ITFG1: variants seen among roughly 807,000 people sequenced by gnomAD.
The protein encoded by ITFG1 is T-cell immunomodulatory protein.
A neutral mutation model predicts 81.8 loss-of-function variants in ITFG1; 34 were observed. The observed-to-expected ratio is 0.42, with a 90% CI of 0.32 to 0.55. The LOEUF (loss-of-function observed/expected upper bound fraction) is 0.55, where lower values mean the gene tolerates loss of function less well. ITFG1 is among the 20% of genes least tolerant of loss of function. The pLI is 0.17. For synonymous variants in ITFG1, 285 were observed against 270.6 expected (o/e 1.05, Z -0.52); for missense variants, 672 against 755.4 (o/e 0.89, Z 1.29).
intron 8 of ITFG1, among the ~76,000 whole-genome samples, chr16:47,338,812 A>G (rs1279304985): frequency 6.6e-6 from 1 of 152,176 alleles, no homozygotes; most frequent in South Asian, 2.1e-4. Flanking sequence ...TCCTTTGTGC[A>G]CAAACAATCC....
intron 6 of ITFG1, among the ~76,000 whole-genome samples, chr16:47,405,494 A>G (rs1968717286): frequency 6.6e-6 from 1 of 152,238 alleles, no homozygotes; most frequent in African/African-American, 2.4e-5. Flanking sequence ...TTTAAGAGCC[A>G]ATGAAAACGT....
Position 47,331,216 on chromosome 16 carries a change from C to A in ITFG1, c.803-17393G>T, listed in dbSNP as rs148414484. On this transcript the variant is annotated intron_variant, in intron 8 of 17. Transcript: ENST00000320640. ...TATCCTAAGTGAATTAACACAGAAA[C>A]AGAAAGCCAAATACTGCATGTTCTC... Among the ~76,000 whole-genome samples the A allele has an allele frequency of 1.5e-3, 232 of 152,184 alleles. 2 individuals carry two copies. The highest frequency in any genetic ancestry group is 5.4e-3 in the African/African-American group (223 of 41,526).
intron 7 of ITFG1, 115 bp from the exon 8 acceptor site, chr16:47,365,984 T>C: frequency 3.4e-6 from 2 of 586,194 alleles, no homozygotes; most frequent in Non-Finnish European, 6.2e-6. Context: ...TTTTGTTGTA[T>C]TGCACAAAAA....
chr16:47,315,883 T>C (rs958031542), intron 8 of ITFG1, among the ~76,000 whole-genome samples: 2 of 151,956 alleles, frequency 1.3e-5, no homozygotes, highest in Admixed American at 1.3e-4. Flanking sequence ...CTCCCACTCC[T>C]GGGTTCAAGC....
chr16:47,279,930 T>C (rs1966435194), intron 10 of ITFG1, among the ~76,000 whole-genome samples: 1 of 152,174 alleles, frequency 6.6e-6, no homozygotes, highest in African/African-American at 2.4e-5. Context: ...TGCTAATATA[T>C]AGAAATAAGA....
chr16:47,430,183 A>G (rs1209550944), intron 5 of ITFG1, among the ~76,000 whole-genome samples: 1 of 148,374 alleles, frequency 6.7e-6, no homozygotes, highest in Non-Finnish European at 1.5e-5. Context: ...TTAGCCACCC[A>G]AGTAGCTAGG....
chr16:47,393,323 A>G (rs1213363024), intron 6 of ITFG1, among the ~76,000 whole-genome samples: 1 of 152,190 alleles, frequency 6.6e-6, no homozygotes, highest in East Asian at 1.9e-4. Context: ...TTAGATAACT[A>G]GCAGTGCGAT....
At chr16:47,271,445 T>TA (rs1966338936) in intron 10 of ITFG1, among the ~76,000 whole-genome samples, 1 of 152,040 alleles carries the variant, frequency 6.6e-6, no homozygotes, top group Non-Finnish European at 1.5e-5. Flanking sequence ...ATGGCTAAAA[T>TA]AAAAAAGACA....
chr16:47,179,136 A>G (rs1421190200), intron 14 of ITFG1, among the ~76,000 whole-genome samples: 1 of 152,232 alleles, frequency 6.6e-6, no homozygotes, highest in Non-Finnish European at 1.5e-5. Flanking sequence ...GTGGGACTGT[A>G]AACTAGTTCA....
intron 5 of ITFG1, among the ~76,000 whole-genome samples, chr16:47,447,320 T>C (rs1336754622): frequency 6.6e-6 from 1 of 152,210 alleles, no homozygotes; most frequent in Non-Finnish European, 1.5e-5. Flanking sequence ...CACTATACTT[T>C]TCTCAAAAGA....
chr16:47,340,914 A>C (rs1967772933), intron 8 of ITFG1, among the ~76,000 whole-genome samples: 1 of 152,222 alleles, frequency 6.6e-6, no homozygotes, highest in Admixed American at 6.5e-5. Flanking sequence ...AATGACTAAA[A>C]GGACAATTCA....
At chr16:47,350,428 A>G (rs1967933894) in intron 8 of ITFG1, among the ~76,000 whole-genome samples, 1 of 152,234 alleles carries the variant, frequency 6.6e-6, no homozygotes, top group Non-Finnish European at 1.5e-5. Flanking sequence ...AGAGAATACT[A>G]TAAACACCTC....
chr16:47,461,147 C>G (rs375993399), upstream of ITFG1: 7 of 1,180,078 alleles, frequency 5.9e-6, no homozygotes, highest in African/African-American at 1.1e-4. Context: ...CCCCGGGACG[C>G]GTAAGAGCCG....
At chr16:47,348,897 G>A (rs1272976039) in intron 8 of ITFG1, among the ~76,000 whole-genome samples, 1 of 152,196 alleles carries the variant, frequency 6.6e-6, no homozygotes, top group Non-Finnish European at 1.5e-5. Context: ...GAGAGTGGGG[G>A]CCAATATTCA....
chr16:47,221,464 T>G lies in ITFG1; in HGVS notation c.1375-2518A>C, dbSNP rs1238819563. On this transcript the variant is annotated intron_variant, in intron 13 of 17. Coordinates refer to ENST00000320640, the MANE Select transcript of ITFG1 (RefSeq NM_030790.5). ...TGATCATGGTGGATAAGCTTTTTGA[T>G]GTGCTGCTGGATTCGGTTTGCCAGT... Among the ~76,000 whole-genome samples, 8 of 152,210 alleles carry G rather than the reference T, an allele frequency of 5.3e-5. No individual in the cohort carries two copies. The East Asian group carries it at 1.3e-3, about 26-fold the overall frequency.
At chr16:47,281,896 T>G (rs1027552753) in intron 10 of ITFG1, among the ~76,000 whole-genome samples, 1 of 152,084 alleles carries the variant, frequency 6.6e-6, no homozygotes, top group Non-Finnish European at 1.5e-5. Context: ...GGGCTACAAG[T>G]GCAGTTTTGT....
Position 47,313,765 on chromosome 16 carries a change from C to T in ITFG1, c.861G>A (p.Lys287=), listed in dbSNP as rs778117683. Residue 287 remains lysine (K), a synonymous_variant, in exon 9 of 18, where the codon AAG becomes AAA. Transcript: ENST00000320640. ...LPGCEDKNCQ[K]STIYLVRSGM... is the part of the protein sequence containing the mutation. ...CAGATCTCACTAAGTAGATGGTACT[C>T]TTTTGGCAATTTTTATCTTCACAGC... 6.2e-7 allele frequency: 1 copy of T among 1,609,146 alleles called. No individual in the cohort carries two copies. Among genetic ancestry groups the T allele is most frequent in the Non-Finnish European group, 8.5e-7 (1 of 1,176,988 alleles).
chr16:47,303,464 T>C (rs930008240), intron 10 of ITFG1, among the ~76,000 whole-genome samples: 10 of 148,260 alleles, frequency 6.7e-5, no homozygotes, highest in African/African-American at 2.5e-4. Context: ...TGAAAACAGT[T>C]ACCCAATATA....
intron 6 of ITFG1, among the ~76,000 whole-genome samples, chr16:47,381,034 T>C (rs535748460): frequency 3.3e-5 from 5 of 152,360 alleles, no homozygotes; most frequent in African/African-American, 1.2e-4. Flanking sequence ...AAATGGTTTA[T>C]GCTTCAATTA....
Sources: gnomAD v4.1 joint callset for allele counts (sites outside exome capture counted in the v4.1 genomes callset) on GRCh38, gnomAD v4.1.1 for gene constraint, MANE v1.5 for transcripts, NCBI Gene and HGNC (gene_info 2026-07-23, HGNC 2026-07-21) for gene names.